The following TNFSF4 variants were observed in gnomAD, a reference collection of about 807,000 sequenced individuals.
TNFSF4 encodes TNF superfamily member 4, also known as tumor necrosis factor ligand superfamily member 4.
In TNFSF4, 4 loss-of-function variants were observed where a neutral mutation model predicts 7.3. The ratio of observed to expected loss-of-function variants is 0.55; its 90% CI spans 0.27 to 1.25. The LOEUF (loss-of-function observed/expected upper bound fraction) is 1.25, where lower values mean the gene tolerates loss of function less well. Ranked by LOEUF, TNFSF4 falls within the 50% of genes most tolerant of loss-of-function variation. TNFSF4 has a pLI of 0.12. For missense variants in TNFSF4, 181 were observed against 208.8 expected (o/e 0.87, Z 0.82); for synonymous variants, 76 against 83.7 (o/e 0.91, Z 0.50).
At chr1:173,393,333 A>G in the TNFSF4 span, among the ~76,000 whole-genome samples, 1 of 152,208 alleles carries the variant, frequency 6.6e-6, no homozygotes, top group Non-Finnish European at 1.5e-5. Context: ...CCCTCACTCA[A>G]CATACTTTGT....
At chr1:173,362,395 G>A in the TNFSF4 span, 1 of 434,360 alleles carries the variant, frequency 2.3e-6, no homozygotes, top group African/African-American at 2.0e-5. Flanking sequence ...TTGTGGTCCA[G>A]AAGAATGGCT....
At chr1:173,235,255 A>C in the TNFSF4 span, among the ~76,000 whole-genome samples, 1 of 152,184 alleles carries the variant, frequency 6.6e-6, no homozygotes, top group South Asian at 2.1e-4. Flanking sequence ...AGGAAAAATT[A>C]GGTACGTGGA....
chr1:173,340,987 G>A, the TNFSF4 span, among the ~76,000 whole-genome samples: 1 of 152,096 alleles, frequency 6.6e-6, no homozygotes, highest in Admixed American at 6.6e-5. Context: ...TACTGTTCTC[G>A]TGATAGTGAG....
the TNFSF4 span, among the ~76,000 whole-genome samples, chr1:173,323,962 C>G: frequency 1.3e-5 from 2 of 152,334 alleles, no homozygotes; most frequent in East Asian, 3.9e-4. Context: ...ACAAGAACTT[C>G]CCCAATCGAG....
the TNFSF4 span, among the ~76,000 whole-genome samples, chr1:173,338,762 T>C: frequency 0.21 from 32,451 of 152,126 alleles, 3,806 homozygotes; most frequent in Middle Eastern, 0.31. Flanking sequence ...CCAGAGGTCT[T>C]AGTTGCAGGG....
At chr1:173,327,812 T>C in the TNFSF4 span, among the ~76,000 whole-genome samples, 2 of 152,104 alleles carry the variant, frequency 1.3e-5, no homozygotes, top group Non-Finnish European at 2.9e-5. Context: ...AGATACCATC[T>C]CACACCAGTT....
At chr1:173,421,613 A>G in the TNFSF4 span, among the ~76,000 whole-genome samples, 9 of 152,206 alleles carry the variant, frequency 5.9e-5, 1 homozygote, top group Admixed American at 2.0e-4. Context: ...AGAGTCACTG[A>G]AAGACAAATT....
the TNFSF4 span, among the ~76,000 whole-genome samples, chr1:173,232,489 G>A: frequency 2.0e-5 from 3 of 152,284 alleles, no homozygotes; most frequent in South Asian, 2.1e-4. Context: ...GCCCAAGCCA[G>A]AATTTCCAAC....
At chr1:173,188,848 G>A (rs540758548) in intron 1 of TNFSF4, among the ~76,000 whole-genome samples, 67 of 152,202 alleles carry the variant, frequency 4.4e-4, no homozygotes, top group South Asian at 2.7e-3. Context: ...GAGTAGCTGG[G>A]ACTATAGGCA....
chr1:173,266,940 G>A, the TNFSF4 span, among the ~76,000 whole-genome samples: 4 of 151,938 alleles, frequency 2.6e-5, no homozygotes, highest in African/African-American at 9.7e-5. Context: ...TTTTAACCCA[G>A]CTGTTATTTT....
chr1:173,376,188 G>A, the TNFSF4 span, among the ~76,000 whole-genome samples: 1 of 152,138 alleles, frequency 6.6e-6, no homozygotes, highest in African/African-American at 2.4e-5. Flanking sequence ...CAAAGACTTG[G>A]AACCAACCCA....
At chr1:173,320,829 G>A in the TNFSF4 span, among the ~76,000 whole-genome samples, 46 of 152,262 alleles carry the variant, frequency 3.0e-4, no homozygotes, top group Non-Finnish European at 5.1e-4. Context: ...AATAAGAGAG[G>A]ACACAAACAA....
the TNFSF4 span, among the ~76,000 whole-genome samples, chr1:173,252,317 C>T: frequency 2.1e-3 from 326 of 152,212 alleles, no homozygotes; most frequent in Non-Finnish European, 3.0e-3. Context: ...GTTGGAAGAA[C>T]GCTTAACAGC....
the TNFSF4 span, among the ~76,000 whole-genome samples, chr1:173,378,858 G>C: frequency 3.0e-3 from 376 of 126,782 alleles, 3 homozygotes; most frequent in African/African-American, 0.011. Flanking sequence ...AAATACCCAA[G>C]GGACCACAAG....
At chr1:173,251,816 A>G in the TNFSF4 span, among the ~76,000 whole-genome samples, 3 of 152,148 alleles carry the variant, frequency 2.0e-5, no homozygotes, top group Non-Finnish European at 4.4e-5. Context: ...CAATGACACT[A>G]CTGTGGAGGA....
chr1:173,202,842 C>T (rs1650005090), intron 1 of TNFSF4, among the ~76,000 whole-genome samples: 1 of 152,214 alleles, frequency 6.6e-6, no homozygotes, highest in Non-Finnish European at 1.5e-5. Flanking sequence ...CTACCCCTAC[C>T]CACCAATTCC....
At chr1:173,238,755 G>A in the TNFSF4 span, among the ~76,000 whole-genome samples, 2 of 152,090 alleles carry the variant, frequency 1.3e-5, no homozygotes, top group African/African-American at 2.4e-5. Flanking sequence ...AAAAATAACA[G>A]ATGCTCATGA....
the TNFSF4 span, among the ~76,000 whole-genome samples, chr1:173,325,327 A>T: frequency 6.6e-6 from 1 of 152,298 alleles, no homozygotes; most frequent in East Asian, 1.9e-4. Flanking sequence ...GAGAACAAAG[A>T]CACAACATAC....
chr1:173,434,157 G>A, the TNFSF4 span, among the ~76,000 whole-genome samples: 1 of 152,200 alleles, frequency 6.6e-6, no homozygotes, highest in African/African-American at 2.4e-5. Context: ...CTTTTCTGCA[G>A]TGTCATCTGC....
Sources: allele counts gnomAD v4.1 joint callset (sites outside exome capture counted in the v4.1 genomes callset), GRCh38; gene constraint gnomAD v4.1.1; transcripts MANE v1.5; gene names NCBI Gene and HGNC (gene_info 2026-07-23, HGNC 2026-07-21).